PTPRM: variants seen among roughly 807,000 people sequenced by gnomAD.
The protein encoded by PTPRM is protein tyrosine phosphatase receptor type M, also known as receptor-type tyrosine-protein phosphatase mu.
In PTPRM, 47 loss-of-function variants were observed where a neutral mutation model predicts 186.7. The ratio of observed to expected loss-of-function variants is 0.25; its 90% CI spans 0.20 to 0.32. The LOEUF is 0.32. Ranked by LOEUF, PTPRM falls within the 10% of genes least tolerant of loss-of-function variation. The pLI, the probability that PTPRM is intolerant of heterozygous loss-of-function variation, is 1.00. For missense variants in PTPRM, 1,494 were observed against 1,865.0 expected (o/e 0.80, Z 3.66); for synonymous variants, 668 against 674.9 (o/e 0.99, Z 0.16).
At position 7,902,018 on chromosome 18, in the gene PTPRM, CTT is replaced by C. The variant is rs374916167; in HGVS notation, c.469-4484_469-4483del. Among the ~76,000 whole-genome samples, 751 of 152,200 alleles carry C rather than the reference CTT, an allele frequency of 4.9e-3. 3 individuals carry two copies. Among genetic ancestry groups the C allele is most frequent in the Middle Eastern group, 0.01 (3 of 294 alleles). ...TGACACAAATGTATGACATAAGAAA[CTT>C]TTGTTTATATATTATGTATTAATTT... On this transcript the variant is annotated intron_variant, in intron 3 of 32. Coordinates refer to ENST00000580170, the MANE Select transcript of PTPRM (RefSeq NM_001105244.2).
In PTPRM at chr18:8,214,882, C is replaced by G. The variant is rs1601272830; in HGVS notation, c.2301-29176C>G. Among the ~76,000 whole-genome samples the G allele has an allele frequency of 2.6e-5, 4 of 152,260 alleles. 1 individual carries two copies. The South Asian group carries it at 8.3e-4, about 32-fold the overall frequency. On this transcript the variant is annotated intron_variant, in intron 14 of 32. Coordinates refer to ENST00000580170, the MANE Select transcript of PTPRM (RefSeq NM_001105244.2). Reference sequence around the variant, plus strand: ...TTCACCATGTTGGCCAGGCTGGTCTCAAACTCCTGACCTCAAGTGATCTGC... The same window carrying G: ...TTCACCATGTTGGCCAGGCTGGTCTGAAACTCCTGACCTCAAGTGATCTGC...
intron 23 of PTPRM, among the ~76,000 whole-genome samples, chr18:8,347,882 C>T (rs2095513795): frequency 6.6e-6 from 1 of 152,192 alleles, no homozygotes; most frequent in Admixed American, 6.5e-5. Context: ...CACCTCATTG[C>T]CATCAGCCCC....
chr18:7,824,833 A>G (rs2045398663), intron 2 of PTPRM, among the ~76,000 whole-genome samples: 2 of 152,290 alleles, frequency 1.3e-5, no homozygotes, highest in South Asian at 4.1e-4. Flanking sequence ...ATGTCAGTGC[A>G]TGAACTCTGG....
At chr18:7,985,441 A>G (rs192469295) in intron 7 of PTPRM, among the ~76,000 whole-genome samples, 50 of 132,674 alleles carry the variant, frequency 3.8e-4, no homozygotes, top group African/African-American at 1.6e-3. Flanking sequence ...AGATACGTAT[A>G]TAAATATATA....
chr18:7,695,451 G>A (rs1016137260), intron 1 of PTPRM, among the ~76,000 whole-genome samples: 1 of 152,158 alleles, frequency 6.6e-6, no homozygotes, highest in Admixed American at 6.5e-5. Context: ...GTTTGCTGGG[G>A]ATGTTGGGTT....
At chr18:8,143,896 A>G in intron 14 of PTPRM, 117 bp downstream of exon 14, 1 of 1,282,096 alleles carries the variant, frequency 7.8e-7, no homozygotes, top group Non-Finnish European at 1.1e-6. Context: ...CACATCTGTG[A>G]CTCTGTGATT....
intron 11 of PTPRM, among the ~76,000 whole-genome samples, chr18:8,093,394 A>G (rs1489062127): frequency 6.6e-6 from 1 of 152,192 alleles, no homozygotes; most frequent in Non-Finnish European, 1.5e-5. Flanking sequence ...ACACGTTTCT[A>G]TTCATAAGAC....
chr18:8,142,955 C>G (rs1257951240), intron 13 of PTPRM, among the ~76,000 whole-genome samples: 1 of 152,120 alleles, frequency 6.6e-6, no homozygotes, highest in Non-Finnish European at 1.5e-5. Flanking sequence ...GAAAGGGGAG[C>G]TAAGACAGCC....
At chr18:7,829,404 C>T (rs898865323) in intron 2 of PTPRM, among the ~76,000 whole-genome samples, 3 of 152,088 alleles carry the variant, frequency 2.0e-5, no homozygotes, top group Non-Finnish European at 2.9e-5. Flanking sequence ...AGCTAATCAA[C>T]GTATTTGTAT....
intron 2 of PTPRM, among the ~76,000 whole-genome samples, chr18:7,885,632 G>A (rs1157980509): frequency 6.6e-6 from 1 of 152,076 alleles, no homozygotes; most frequent in Non-Finnish European, 1.5e-5. Context: ...ATGCCTCAAA[G>A]CAAAATAGAC....
At chr18:8,357,706 T>C (rs1197920791) in intron 23 of PTPRM, among the ~76,000 whole-genome samples, 10 of 152,336 alleles carry the variant, frequency 6.6e-5, no homozygotes, top group African/African-American at 2.4e-4. Flanking sequence ...CAATAGAGAA[T>C]CATCGTTTCA....
At chr18:8,086,302 C>A (rs1215947059) in intron 10 of PTPRM, among the ~76,000 whole-genome samples, 1 of 152,124 alleles carries the variant, frequency 6.6e-6, no homozygotes, top group African/African-American at 2.4e-5. Flanking sequence ...TAAGAAACTT[C>A]TGTCCTGAAG....
At chr18:7,729,935 C>A (rs894464674) in intron 1 of PTPRM, among the ~76,000 whole-genome samples, 1 of 152,074 alleles carries the variant, frequency 6.6e-6, no homozygotes, top group African/African-American at 2.4e-5. Context: ...AAAATATACT[C>A]TACATGTACT....
intron 7 of PTPRM, among the ~76,000 whole-genome samples, chr18:7,988,086 A>G (rs988506740): frequency 1.3e-5 from 2 of 151,788 alleles, no homozygotes; most frequent in Non-Finnish European, 2.9e-5. Context: ...TCAGGATGCT[A>G]AGGCAGGAGG....
chr18:8,029,018 C>G (rs1234556589), intron 7 of PTPRM, among the ~76,000 whole-genome samples: 1 of 151,932 alleles, frequency 6.6e-6, no homozygotes, highest in African/African-American at 2.4e-5. Context: ...CTCACCAACA[C>G]CAGGGCTGGG....
intron 1 of PTPRM, among the ~76,000 whole-genome samples, chr18:7,591,964 A>G (rs1462092440): frequency 6.6e-6 from 1 of 152,090 alleles, no homozygotes; most frequent in Non-Finnish European, 1.5e-5. Context: ...CCCGTTGCTT[A>G]TTCCTGCCTG....
At chr18:8,063,683 T>C (rs2088815364) in intron 7 of PTPRM, among the ~76,000 whole-genome samples, 1 of 152,160 alleles carries the variant, frequency 6.6e-6, no homozygotes, top group African/African-American at 2.4e-5. Context: ...GCAATATGGA[T>C]ATATGGCGTA....
chr18:7,604,621 T>C (rs2037485923), intron 1 of PTPRM, among the ~76,000 whole-genome samples: 1 of 152,248 alleles, frequency 6.6e-6, no homozygotes, highest in Admixed American at 6.5e-5. Context: ...AGAATGCGTG[T>C]ACTCAGAAGG....
intron 14 of PTPRM, chr18:8,154,562 A>G (rs2093080138): frequency 6.6e-6 from 1 of 152,260 alleles, no homozygotes; most frequent in African/African-American, 2.4e-5. Context: ...AGCAAATTCA[A>G]ACACTGGAAA....
Sources: gnomAD v4.1 joint callset for allele counts (sites outside exome capture counted in the v4.1 genomes callset) on GRCh38, gnomAD v4.1.1 for gene constraint, MANE v1.5 for transcripts, NCBI Gene and HGNC (gene_info 2026-07-23, HGNC 2026-07-21) for gene names.